Variants in TRPM3 observed in about 807,000 individuals in gnomAD.
The protein encoded by TRPM3 is transient receptor potential cation channel subfamily M member 3, also known as long transient receptor potential channel 3.
Under a neutral mutation model 181.2 loss-of-function variants are expected in TRPM3, and 77 were observed. The ratio of observed to expected loss-of-function variants is 0.42; its 90% CI spans 0.35 to 0.51. TRPM3 has a LOEUF of 0.51. Ranked by LOEUF, TRPM3 falls within the 20% of genes least tolerant of loss-of-function variation. The pLI, the probability that TRPM3 is intolerant of heterozygous loss-of-function variation, is 0.01. For synonymous variants in TRPM3, 745 were observed against 796.4 expected, an observed-to-expected ratio of 0.94 and a Z score of 1.09; for missense variants, 1,759 against 2,196.7, an observed-to-expected ratio of 0.80 and a Z score of 3.98.
chr9:70,676,366 T>C (rs2064007011), intron 9 of TRPM3, among the ~76,000 whole-genome samples: 1 of 152,208 alleles, frequency 6.6e-6, no homozygotes, highest in Admixed American at 6.5e-5. Context: ...GGTAATTTTA[T>C]TCACAGAAAG....
intron 1 of TRPM3, among the ~76,000 whole-genome samples, chr9:71,065,273 C>G (rs570788059): frequency 7.9e-5 from 12 of 152,180 alleles, no homozygotes; most frequent in African/African-American, 2.6e-4. Flanking sequence ...AATTTTCACG[C>G]TAAGTTATTA....
At chr9:71,193,980 C>A (rs1253605385) in intron 1 of TRPM3, among the ~76,000 whole-genome samples, 1 of 151,958 alleles carries the variant, frequency 6.6e-6, no homozygotes, top group Non-Finnish European at 1.5e-5. Flanking sequence ...AATAAATATG[C>A]ATACACATAT....
chr9:70,883,146 C>T (rs533839973), intron 1 of TRPM3, among the ~76,000 whole-genome samples: 3 of 152,252 alleles, frequency 2.0e-5, no homozygotes, highest in Admixed American at 6.5e-5. Flanking sequence ...TCTGACCACA[C>T]GTGGCCATTT....
intron 9 of TRPM3, among the ~76,000 whole-genome samples, chr9:70,647,399 A>G (rs1407509068): frequency 6.6e-6 from 1 of 152,238 alleles, no homozygotes; most frequent in Non-Finnish European, 1.5e-5. Flanking sequence ...ACAAAAATAA[A>G]TAAATGTGAT....
At chr9:70,621,339 A>T in intron 14 of TRPM3, 66 bp from the exon 15 acceptor site, 1 of 1,219,754 alleles carries the variant, frequency 8.2e-7, no homozygotes, top group African/African-American at 1.6e-5. Context: ...AGGTAAGAAG[A>T]GTCCTATTAT....
intron 8 of TRPM3, among the ~76,000 whole-genome samples, chr9:70,698,382 C>T (rs1486295043): frequency 6.6e-6 from 1 of 152,112 alleles, no homozygotes; most frequent in African/African-American, 2.4e-5. Context: ...TTCTTTGCCA[C>T]CTCTAAACTT....
At chr9:71,068,385 G>A (rs1455840189) in intron 1 of TRPM3, among the ~76,000 whole-genome samples, 1 of 152,208 alleles carries the variant, frequency 6.6e-6, no homozygotes, top group Non-Finnish European at 1.5e-5. Context: ...ATCCACTGGA[G>A]TCTAAGGTGG....
intron 1 of TRPM3, among the ~76,000 whole-genome samples, chr9:71,163,417 A>G (rs2134724927): frequency 6.6e-6 from 1 of 152,264 alleles, no homozygotes; most frequent in Admixed American, 6.5e-5. Flanking sequence ...GACTGAAGGG[A>G]TATAGCAGAA....
intron 1 of TRPM3, among the ~76,000 whole-genome samples, chr9:70,945,187 T>A (rs1255982799): frequency 1.3e-5 from 2 of 152,168 alleles, no homozygotes; most frequent in African/African-American, 4.8e-5. Context: ...CTTCCATTTC[T>A]CAGGACAAAA....
chr9:70,565,548 C>T (rs193010273), intron 22 of TRPM3, among the ~76,000 whole-genome samples: 319 of 151,738 alleles, frequency 2.1e-3, no homozygotes, highest in Admixed American at 3.2e-3. Context: ...CCACCTTGGC[C>T]TCCCAAAGTG....
At chr9:71,353,977 C>T (rs959500899) in intron 1 of TRPM3, among the ~76,000 whole-genome samples, 1 of 152,196 alleles carries the variant, frequency 6.6e-6, no homozygotes, top group Non-Finnish European at 1.5e-5. Flanking sequence ...TTCTGTCTCC[C>T]AATCTTTCTA....
intron 14 of TRPM3, among the ~76,000 whole-genome samples, chr9:70,623,762 G>A (rs1020701766): frequency 3.3e-5 from 5 of 152,184 alleles, no homozygotes; most frequent in Admixed American, 3.3e-4. Context: ...TCTGTGGGAT[G>A]AAATGGGAAG....
chr9:71,096,586 A>ACTCTCTCTCTCT (rs1410846317), intron 1 of TRPM3, among the ~76,000 whole-genome samples: 9 of 100,172 alleles, frequency 9.0e-5, no homozygotes, highest in African/African-American at 4.3e-4. Context: ...ACACACACAC[A>ACTCTCTCTCTCT]CACACTCTCT....
At position 71,052,484 on chromosome 9, in the gene TRPM3, T is replaced by TC. The variant is rs1427600071; in HGVS notation, c.177+68693_177+68694insG. Among the ~76,000 whole-genome samples the TC allele has an allele frequency of 2.0e-5, 3 of 152,140 alleles. No individual in the cohort carries two copies. In the East Asian group the frequency reaches 5.8e-4, roughly 29 times the overall value. ...GGAAAGAATTCCATATTCAATTAGC[T>TC]ATGTGTGCAAGGGGTGTGGAACCAC... On this transcript the variant is annotated intron_variant, in intron 1 of 25. Transcript: ENST00000677713.
chr9:70,986,952 G>A (rs2097427868), intron 1 of TRPM3, among the ~76,000 whole-genome samples: 1 of 150,918 alleles, frequency 6.6e-6, no homozygotes, highest in Admixed American at 6.7e-5. Flanking sequence ...TGTCCAATAT[G>A]GTAGCTTTCA....
At chr9:70,892,018 G>A (rs2096211459) in intron 1 of TRPM3, among the ~76,000 whole-genome samples, 1 of 152,132 alleles carries the variant, frequency 6.6e-6, no homozygotes, top group Admixed American at 6.6e-5. Flanking sequence ...CAGATCCACA[G>A]CAGGGTGAAT....
At chr9:70,609,254 G>A (rs1441577274) in intron 19 of TRPM3, among the ~76,000 whole-genome samples, 2 of 152,148 alleles carry the variant, frequency 1.3e-5, no homozygotes, top group Non-Finnish European at 2.9e-5. Flanking sequence ...GTCCATGCTT[G>A]TCACCACTAA....
intron 1 of TRPM3, among the ~76,000 whole-genome samples, chr9:71,217,969 A>T (rs1267778105): frequency 6.6e-6 from 1 of 152,208 alleles, no homozygotes; most frequent in East Asian, 1.9e-4. Context: ...TCTCCTTGCC[A>T]AGCTGCAAAT....
chr9:70,988,607 A>G (rs1219048932), intron 1 of TRPM3, among the ~76,000 whole-genome samples: 1 of 152,198 alleles, frequency 6.6e-6, no homozygotes, highest in African/African-American at 2.4e-5. Flanking sequence ...GAATCTAGGT[A>G]CTGCTGTGAA....
Sources: allele counts gnomAD v4.1 joint callset (sites outside exome capture counted in the v4.1 genomes callset), GRCh38; gene constraint gnomAD v4.1.1; transcripts MANE v1.5; gene names NCBI Gene and HGNC (gene_info 2026-07-23, HGNC 2026-07-21).